Variants in FAM81A observed in about 807,000 individuals in gnomAD.
FAM81A encodes the protein protein FAM81A.
Under a neutral mutation model 46.7 loss-of-function variants are expected in FAM81A, and 19 were observed. The observed-to-expected ratio is 0.41, with a 90% CI of 0.28 to 0.60. The LOEUF is 0.60. Among genes scored for constraint, FAM81A ranks in the 20% least tolerant of loss-of-function variants. FAM81A has a pLI of 0.34. For synonymous variants in FAM81A, 183 were observed against 152.9 expected (o/e 1.20, Z -1.45); for missense variants, 377 against 453.5 (o/e 0.83, Z 1.53).
chr15:59,411,629 T>A (rs1404393898), intron 2 of FAM81A, among the ~76,000 whole-genome samples: 1 of 152,074 alleles, frequency 6.6e-6, no homozygotes, highest in African/African-American at 2.4e-5. Context: ...GAAAATACTT[T>A]AATTGGCCAG....
At chr15:59,432,171 C>G (rs62013062) in intron 2 of FAM81A, among the ~76,000 whole-genome samples, 1 of 151,996 alleles carries the variant, frequency 6.6e-6, no homozygotes, top group African/African-American at 2.4e-5. Flanking sequence ...ACTCATAAAG[C>G]GCTCGTTTCA....
chr15:59,439,484 C>A (rs1466676923), intron 1 of FAM81A, among the ~76,000 whole-genome samples: 2 of 152,082 alleles, frequency 1.3e-5, no homozygotes, highest in Non-Finnish European at 2.9e-5. Flanking sequence ...AGGCCCCCTT[C>A]CATATCCACT....
chr15:59,463,566 G>T (rs1448843679), intron 3 of FAM81A, among the ~76,000 whole-genome samples: 6 of 152,018 alleles, frequency 3.9e-5, no homozygotes, highest in Non-Finnish European at 8.8e-5. Flanking sequence ...AAAAAGGCTG[G>T]GTGCAGTGGC....
At chr15:59,489,055 G>A (rs1221909744) in intron 3 of FAM81A, among the ~76,000 whole-genome samples, 1 of 152,084 alleles carries the variant, frequency 6.6e-6, no homozygotes, top group African/African-American at 2.4e-5. Context: ...CACGAGGTCA[G>A]GAGATCGAGA....
rs1441569564 is a variant in FAM81A, at chr15:59,416,427, G to A, written c.-78+14069G>A. Among the ~76,000 whole-genome samples the A allele has an allele frequency of 2.0e-5, 3 of 152,280 alleles. No homozygotes were observed. In the East Asian group the frequency reaches 5.8e-4, roughly 29 times the overall value. On this transcript the variant is annotated intron_variant, in intron 2 of 4. Transcript: ENST00000558348. ...GAAAGTCAGCTGCCTCAGTTTCCAGGTTGTGCCTAACCAGTAGTATTGCAC... is the reference window on the plus strand; with the variant it reads ...GAAAGTCAGCTGCCTCAGTTTCCAGATTGTGCCTAACCAGTAGTATTGCAC...
rs144141969 is a variant in FAM81A at position 59,466,446 on chromosome 15, G to A, written c.294+6240G>A. On this transcript the variant is annotated intron_variant, in intron 3 of 8. Transcript: ENST00000288228. ...CTTTGCGGTTTTGATTTGCACTTCT[G>A]TGATGACCAGTGATGATGAGCATTT... is the stretch of plus-strand genomic sequence containing the variant. 3.2e-3 allele frequency among the ~76,000 whole-genome samples: 481 copies of A among 152,278 alleles called. 3 individuals are homozygous for A. Among genetic ancestry groups the A allele is most frequent in the African/African-American group, 0.011 (458 of 41,554 alleles).
At chr15:59,445,348 A>G (rs2141596667) in intron 1 of FAM81A, 1 of 152,316 alleles carries the variant, frequency 6.6e-6, no homozygotes, top group South Asian at 2.1e-4. Context: ...TTGCTTTCGC[A>G]TTATGGAATT....
chr15:59,514,917 G>A (rs762494457), intron 7 of FAM81A, among the ~76,000 whole-genome samples: 4 of 152,236 alleles, frequency 2.6e-5, no homozygotes, highest in Admixed American at 2.0e-4. Context: ...CTCTCACAGA[G>A]CTAAGGTTTG....
chr15:59,506,632 G>A (rs888973370), intron 4 of FAM81A, among the ~76,000 whole-genome samples: 1 of 152,126 alleles, frequency 6.6e-6, no homozygotes, highest in South Asian at 2.1e-4. Context: ...ATTAGGACTC[G>A]ACAGAGGCCC....
At chr15:59,423,255 C>A (rs1434688474) in intron 2 of FAM81A, among the ~76,000 whole-genome samples, 1 of 152,122 alleles carries the variant, frequency 6.6e-6, no homozygotes, top group African/African-American at 2.4e-5. Flanking sequence ...CCCGCCAACA[C>A]GCCTGGCTAA....
At chr15:59,514,198 C>T in intron 6 of FAM81A, 91 bp from the exon 7 acceptor site, 1 of 1,299,792 alleles carries the variant, frequency 7.7e-7, no homozygotes, top group Non-Finnish European at 1.0e-6. Flanking sequence ...TGTAACAAAT[C>T]TGTATATCCT....
At chr15:59,513,385 G>A (rs1348469586) in intron 6 of FAM81A, among the ~76,000 whole-genome samples, 2 of 152,170 alleles carry the variant, frequency 1.3e-5, no homozygotes, top group Non-Finnish European at 2.9e-5. Context: ...GAGACACTGT[G>A]TCCTCTGAGC....
intron 2 of FAM81A, among the ~76,000 whole-genome samples, chr15:59,417,056 G>T (rs1476203422): frequency 6.6e-6 from 1 of 152,000 alleles, no homozygotes; most frequent in Non-Finnish European, 1.5e-5. Context: ...GGGGTAGGGG[G>T]AGACATGGGG....
intron 3 of FAM81A, among the ~76,000 whole-genome samples, chr15:59,489,856 C>T (rs1478192176): frequency 6.6e-6 from 1 of 152,118 alleles, no homozygotes; most frequent in African/African-American, 2.4e-5. Context: ...TATCCATATG[C>T]AGAAGCATGA....
At chr15:59,459,241 C>T (rs1439043740) in intron 2 of FAM81A, among the ~76,000 whole-genome samples, 1 of 152,192 alleles carries the variant, frequency 6.6e-6, no homozygotes, top group Non-Finnish European at 1.5e-5. Context: ...CTCAAGCAGT[C>T]CTCCCACCTC....
At chr15:59,408,001 T>C in intron 2 of FAM81A, 1 of 164,026 alleles carries the variant, frequency 6.1e-6, no homozygotes, top group Admixed American at 6.1e-5. Context: ...ACAAAGCAAG[T>C]GAGGTCCCTT....
chr15:59,413,055 G>A (rs114874432), intron 2 of FAM81A, among the ~76,000 whole-genome samples: 3 of 152,124 alleles, frequency 2.0e-5, no homozygotes, highest in Non-Finnish European at 4.4e-5. Context: ...TTTGTTATAC[G>A]TGCAGCTCCC....
intron 3 of FAM81A, among the ~76,000 whole-genome samples, chr15:59,466,515 T>G (rs554153584): frequency 6.6e-6 from 1 of 152,242 alleles, no homozygotes; most frequent in South Asian, 2.1e-4. Context: ...TTTTGAGATG[T>G]GTCTGTTCAT....
chr15:59,482,091 A>G (rs1272807801), intron 3 of FAM81A, among the ~76,000 whole-genome samples: 1 of 152,076 alleles, frequency 6.6e-6, no homozygotes, highest in Non-Finnish European at 1.5e-5. Flanking sequence ...ATGCTATAAT[A>G]GTATGATTTG....
Sources: allele counts gnomAD v4.1 joint callset (sites outside exome capture counted in the v4.1 genomes callset), GRCh38; gene constraint gnomAD v4.1.1; transcripts MANE v1.5; gene names NCBI Gene and HGNC (gene_info 2026-07-23, HGNC 2026-07-21).